DOT1L: variants seen among roughly 807,000 people sequenced by gnomAD.
DOT1L encodes histone-lysine N-methyltransferase, H3 lysine-79 specific.
DOT1L carries 33 observed loss-of-function variants against 153.3 expected under a neutral mutation model. That is an observed-to-expected ratio of 0.22 (90% CI 0.16 to 0.29). DOT1L has a LOEUF of 0.29. Ranked by LOEUF, DOT1L falls within the 10% of genes least tolerant of loss-of-function variation. The probability of loss-of-function intolerance (pLI) is 1.00; values close to 1 mark genes in which losing one functional copy is unlikely to be tolerated. For missense variants in DOT1L, 1,847 were observed against 2,119.9 expected (o/e 0.87, Z 2.53); for synonymous variants, 1,135 against 965.1 (o/e 1.18, Z -3.26).
chr19:2,200,550 G>A (rs114274712), intron 8 of DOT1L, among the ~76,000 whole-genome samples: 4,228 of 152,234 alleles, frequency 0.028, 199 homozygotes, highest in African/African-American at 0.096. Flanking sequence ...GCACTCCAGC[G>A]TGTGCCAGGG....
Position 2,164,241 on chromosome 19 carries a change from C to T in DOT1L, c.57C>T (p.Val19=), listed in dbSNP as rs1412090215. 1 of 1,289,156 alleles carries T rather than the reference C, an allele frequency of 7.8e-7. No individual in the cohort carries two copies. Among genetic ancestry groups the T allele is most frequent in the Non-Finnish European group, 9.8e-7 (1 of 1,015,826 alleles). The allele number at this position is 1,289,156 out of a possible 1,614,324, so 79.9% of individuals were successfully genotyped here. A position where few individuals can be genotyped will look rare whatever the true frequency, so the allele number is the denominator to read the frequency against. Residue 19 remains valine, a synonymous_variant, in exon 1 of 28, where the codon GTC becomes GTT. Coordinates refer to ENST00000398665, the MANE Select transcript of DOT1L (RefSeq NM_032482.3). ...LKSPVGAEPA[V]YPWPLPVYDK... ...CGCCCGTGGGGGCTGAGCCCGCCGT[C>T]TACCCGTGGCCGCTGCCGGTCTACG... is the stretch of plus-strand genomic sequence containing the variant.
chr19:2,192,110 G>A (rs765450789), intron 5 of DOT1L, among the ~76,000 whole-genome samples: 6 of 152,186 alleles, frequency 3.9e-5, no homozygotes, highest in African/African-American at 7.2e-5. Context: ...TGTGAACCTT[G>A]TGCCTGCAGG....
At chr19:2,169,776 A>G (rs1313983424) in intron 1 of DOT1L, among the ~76,000 whole-genome samples, 1 of 152,198 alleles carries the variant, frequency 6.6e-6, no homozygotes, top group Non-Finnish European at 1.5e-5. Context: ...TAAATGCTCC[A>G]CTTATATTAA....
intron 1 of DOT1L, among the ~76,000 whole-genome samples, chr19:2,172,800 C>G (rs2021713874): frequency 6.6e-6 from 1 of 152,032 alleles, no homozygotes; most frequent in Non-Finnish European, 1.5e-5. Context: ...CTGCGCCTGG[C>G]AATATTTTTC....
At chr19:2,172,535 A>C (rs1424044229) in intron 1 of DOT1L, among the ~76,000 whole-genome samples, 12 of 116,784 alleles carry the variant, frequency 1.0e-4, no homozygotes, top group East Asian at 5.0e-4. Context: ...ACAGAGTCTC[A>C]CTCTTTTTAC....
chr19:2,169,017 A>G (rs1301226561), intron 1 of DOT1L, among the ~76,000 whole-genome samples: 1 of 152,226 alleles, frequency 6.6e-6, no homozygotes, highest in Non-Finnish European at 1.5e-5. Flanking sequence ...CAAAGGCCAC[A>G]GAACGGGACC....
At chr19:2,176,124 G>T (rs1476091615) in intron 1 of DOT1L, among the ~76,000 whole-genome samples, 1 of 152,110 alleles carries the variant, frequency 6.6e-6, no homozygotes, top group African/African-American at 2.4e-5. Context: ...GGTCCTCCAG[G>T]CCCTGCACAC....
rs1191893625 is a variant in DOT1L, at chr19:2,230,619, A to G, written c.*827A>G. On this transcript the variant is annotated 3_prime_UTR_variant, in exon 28 of 28. Transcript: ENST00000398665. Reference sequence around the variant, plus strand: ...CGTGGGTCCCTTGGTGTTTCTGTACAGGAGAGAGTCACACTAATGAGTGGC... The same window carrying G: ...CGTGGGTCCCTTGGTGTTTCTGTACGGGAGAGAGTCACACTAATGAGTGGC... The G allele has an allele frequency of 1.5e-5, 6 of 398,540 alleles. No individual in the cohort carries two copies. Among genetic ancestry groups the G allele is most frequent in the Admixed American group, 4.4e-5 (1 of 22,726 alleles). The allele number at this position is 398,540 out of a possible 1,614,324, so 24.7% of individuals were successfully genotyped here.
intron 22 of DOT1L, 119 bp downstream of exon 22, chr19:2,218,037 T>A: frequency 7.0e-7 from 1 of 1,418,498 alleles, no homozygotes. Flanking sequence ...CGTGAGGCAA[T>A]GCAGTCAAGG....
In DOT1L at chr19:2,230,722, C is replaced by T. The variant is rs1018810989; in HGVS notation, c.*930C>T. ...TTTTATTTTTAGATGGTATAATGCA[C>T]AGTGAAGAGGAAAGAAAAGCGAGGG... On this transcript the variant is annotated 3_prime_UTR_variant, in exon 28 of 28. Transcript: ENST00000398665. 9 of 397,640 alleles carry T rather than the reference C, an allele frequency of 2.3e-5. No homozygotes were observed. Among genetic ancestry groups the T allele is most frequent in the Admixed American group, 1.3e-4 (3 of 22,716 alleles). 24.6% of individuals were successfully genotyped at this position (397,640 alleles called of 1,614,324 possible). A position where few individuals can be genotyped will look rare whatever the true frequency, so the allele number is the denominator to read the frequency against.
In DOT1L at chr19:2,217,756, G is replaced by T; in HGVS notation, c.2545-16G>T. The T allele has an allele frequency of 6.3e-7, 1 of 1,592,842 alleles. No homozygotes were observed. Among genetic ancestry groups the T allele is most frequent in the East Asian group, 2.3e-5 (1 of 43,484 alleles). On this transcript the variant is annotated splice_polypyrimidine_tract_variant and intron_variant, in intron 21 of 27. Transcript: ENST00000398665. This position sits in a 1 kb window ranked among gnomAD's most constrained non-coding sequence, Gnocchi z 7.3. ...GTTTGTTGACCCACGACTGGGGGTC[G>T]GGCCTTCGTCTGCAGGGCCTGAGAG...
intron 7 of DOT1L, among the ~76,000 whole-genome samples, chr19:2,195,327 C>T (rs2022970550): frequency 6.6e-6 from 1 of 152,140 alleles, no homozygotes; most frequent in Non-Finnish European, 1.5e-5. Context: ...ACACAGAGGC[C>T]TGCAGAGCTG....
rs2023902108 is a variant in DOT1L at position 2,216,419 on chromosome 19, A to G, written c.2062A>G (p.Ser688Gly). ...GGGCCGCGAGCTGGAGCCTGACGCC[A>G]GCCGGCTGCACCTGGAGCTGGACTG... ...ALGRELEPDA[S>G]RLHLELDCTK... The change falls in exon 20 of 28, where the codon AGC (serine) becomes GGC (glycine). Residue 688 changes from serine to glycine, a missense_variant. Physicochemically the swap from Ser to Gly is moderately conservative, Grantham distance 56. This residue lies in a region of DOT1L where 281 missense variants were observed against 263.6 expected (regional missense o/e 1.07). Transcript: ENST00000398665. 6.2e-7 allele frequency: 1 copy of G among 1,612,434 alleles called. No homozygotes were observed. Among genetic ancestry groups the G allele is most frequent in the Non-Finnish European group, 8.5e-7 (1 of 1,179,910 alleles).
chr19:2,167,894 C>T (rs992958891), intron 1 of DOT1L, among the ~76,000 whole-genome samples: 1 of 152,024 alleles, frequency 6.6e-6, no homozygotes, highest in Non-Finnish European at 1.5e-5. Flanking sequence ...TGCCACCATG[C>T]CTGGCTTATT....
chr19:2,223,099 G>A (rs1390110102), intron 24 of DOT1L, among the ~76,000 whole-genome samples, 182 bp from the exon 25 acceptor site: 5 of 151,940 alleles, frequency 3.3e-5, no homozygotes, highest in Non-Finnish European at 5.9e-5. Flanking sequence ...CTCTGGGATT[G>A]CGGGGTGGTG....
In DOT1L at chr19:2,226,508, C is replaced by G. The variant is rs1353650555; in HGVS notation, c.3987C>G (p.His1329Gln). ...GCCTGGCCGCGGACCTGAGTTTACA[C>G]AGCTTCAGTGATGGTGCTTCTCTTC... The part of the protein sequence containing the change: ...GGGLAADLSL[H>Q]SFSDGASLPH... Residue 1329 changes from histidine to glutamine, a missense_variant, in exon 27 of 28, where the codon CAC becomes CAG. Transcript: ENST00000398665. The G allele has an allele frequency of 6.2e-7, 1 of 1,600,794 alleles. No homozygotes were observed. The highest frequency in any genetic ancestry group is 8.5e-7 in the Non-Finnish European group (1 of 1,179,698).
At chr19:2,189,636 C>T in intron 3 of DOT1L, 96 bp from the exon 4 acceptor site, 2 of 1,426,372 alleles carry the variant, frequency 1.4e-6, no homozygotes, top group East Asian at 2.4e-5. Context: ...AGGCAGGGAC[C>T]ACACCTTGGA....
At chr19:2,182,516 C>T (rs1310011886) in intron 2 of DOT1L, among the ~76,000 whole-genome samples, 1 of 152,328 alleles carries the variant, frequency 6.6e-6, no homozygotes, top group East Asian at 1.9e-4. Flanking sequence ...CAGAGTGAGA[C>T]CCTGTCTCAA....
In DOT1L at chr19:2,216,664, C is replaced by G. The variant is rs746937735; in HGVS notation, c.2307C>G (p.Pro769=). ...RLEKLSGLAA[P]DYTRLSPAKI... Reference sequence around the variant, plus strand: ...AGAAGCTGTCTGGCCTAGCCGCACCCGACTACACTAGGCTGTCCCCGGCCA... The same window carrying G: ...AGAAGCTGTCTGGCCTAGCCGCACCGGACTACACTAGGCTGTCCCCGGCCA... The change falls in exon 20 of 28, where the codon CCC becomes CCG. Residue 769 remains proline, a synonymous_variant. Coordinates refer to ENST00000398665, the MANE Select transcript of DOT1L (RefSeq NM_032482.3). The G allele has an allele frequency of 1.1e-5, 17 of 1,604,416 alleles. 1 individual carries two copies. The East Asian group carries it at 3.6e-4, about 34-fold the overall frequency.
Sources: allele counts gnomAD v4.1 joint callset (sites outside exome capture counted in the v4.1 genomes callset), GRCh38; gene constraint gnomAD v4.1.1; regional missense constraint gnomAD v4.1.1; non-coding constraint Gnocchi (gnomAD v3.1); transcripts MANE v1.5; gene names NCBI Gene and HGNC (gene_info 2026-07-23, HGNC 2026-07-21).